GALNT1: variants seen among roughly 807,000 people sequenced by gnomAD.
The protein encoded by GALNT1 is GalNAc transferase 1.
A neutral mutation model predicts 65.7 loss-of-function variants in GALNT1; 17 were observed. The ratio of observed to expected loss-of-function variants is 0.26; its 90% CI spans 0.18 to 0.39. The LOEUF is 0.39. Ranked by LOEUF, GALNT1 falls within the 10% of genes least tolerant of loss-of-function variation. GALNT1 has a pLI of 1.00. For synonymous variants in GALNT1, 210 were observed against 219.7 expected (o/e 0.96, Z 0.39); for missense variants, 460 against 672.8 (o/e 0.68, Z 3.50).
At chr18:35,639,565 C>T (rs147464051) in intron 1 of GALNT1, among the ~76,000 whole-genome samples, 17 of 152,046 alleles carry the variant, frequency 1.1e-4, no homozygotes, top group Middle Eastern at 6.8e-3. Context: ...ATGCCTGTAG[C>T]GAAACTTCAT....
At position 35,612,009 on chromosome 18, in the gene GALNT1, T is replaced by G. The variant is rs558591935; in HGVS notation, c.-104+30147T>G. The stretch of plus-strand genomic sequence containing the variant: ...GTGTCCTCATTACCATCATTATTTA[T>G]TACCTGTATCATTAAAAAAGACATC... On this transcript the variant is annotated intron_variant, in intron 1 of 11. Transcript: ENST00000269195. Among the ~76,000 whole-genome samples the G allele has an allele frequency of 3.3e-5, 5 of 152,328 alleles. No homozygotes were observed. In the East Asian group the frequency reaches 9.6e-4, roughly 29 times the overall value.
At chr18:35,701,371 T>G (rs1292317642) in intron 9 of GALNT1, among the ~76,000 whole-genome samples, 1 of 152,230 alleles carries the variant, frequency 6.6e-6, no homozygotes, top group Admixed American at 6.5e-5. Context: ...ATTGGCCCAA[T>G]CTGAGCGAAA....
chr18:35,670,179 C>T (rs2047613438), intron 3 of GALNT1, among the ~76,000 whole-genome samples: 1 of 152,024 alleles, frequency 6.6e-6, no homozygotes, highest in Non-Finnish European at 1.5e-5. Context: ...ATAGTCCCAG[C>T]TGCTCAGGAG....
chr18:35,598,378 C>T (rs1024917277), intron 1 of GALNT1, among the ~76,000 whole-genome samples: 4 of 151,910 alleles, frequency 2.6e-5, no homozygotes, highest in Non-Finnish European at 4.4e-5. Flanking sequence ...CTCTCATCTC[C>T]CCTTCTCCTC....
chr18:35,601,284 T>C (rs991895164), intron 1 of GALNT1, among the ~76,000 whole-genome samples: 1 of 152,038 alleles, frequency 6.6e-6, no homozygotes, highest in African/African-American at 2.4e-5. Flanking sequence ...TATCATTTGT[T>C]AATGTCTTGT....
chr18:35,663,593 AAATT>A (rs2047506034), intron 2 of GALNT1, 31 bp from the exon 3 acceptor site: 5 of 1,567,028 alleles, frequency 3.2e-6, no homozygotes, highest in Non-Finnish European at 3.5e-6. Flanking sequence ...AATTGCTATG[AAATT>A]AATGTTAGTT....
chr18:35,694,669 G>A (rs79887335), intron 9 of GALNT1, among the ~76,000 whole-genome samples: 2,995 of 152,342 alleles, frequency 0.02, 105 homozygotes, highest in African/African-American at 0.067. Flanking sequence ...CCAAGAAGTA[G>A]AAGCACTCCA....
chr18:35,706,569 G>A (rs72968454), intron 11 of GALNT1, among the ~76,000 whole-genome samples: 12,437 of 152,136 alleles, frequency 0.082, 568 homozygotes, highest in African/African-American at 0.12. Flanking sequence ...CTTCTAGATC[G>A]CTTTGCAAGG....
intron 9 of GALNT1, among the ~76,000 whole-genome samples, chr18:35,698,571 A>G (rs2048100735): frequency 1.3e-5 from 2 of 152,258 alleles, no homozygotes; most frequent in African/African-American, 2.4e-5. Flanking sequence ...TGAAGTGCTC[A>G]ATAGCCACAC....
intron 3 of GALNT1, among the ~76,000 whole-genome samples, chr18:35,674,164 A>G (rs1019574009): frequency 4.6e-5 from 7 of 152,188 alleles, no homozygotes; most frequent in East Asian, 1.9e-4. Context: ...CTGGGTGAGT[A>G]AGTGAGTGCT....
chr18:35,633,275 C>A (rs1299014707), intron 1 of GALNT1, among the ~76,000 whole-genome samples: 2 of 152,100 alleles, frequency 1.3e-5, no homozygotes, highest in African/African-American at 4.8e-5. Flanking sequence ...TTCACAATAG[C>A]AAAGACCTGG....
At chr18:35,636,731 G>C (rs957349178) in intron 1 of GALNT1, among the ~76,000 whole-genome samples, 4 of 150,240 alleles carry the variant, frequency 2.7e-5, no homozygotes, top group African/African-American at 9.8e-5. Flanking sequence ...AAAAATACAG[G>C]CATGTCCATG....
At chr18:35,631,187 T>C (rs534797358) in intron 1 of GALNT1, among the ~76,000 whole-genome samples, 58 of 152,296 alleles carry the variant, frequency 3.8e-4, no homozygotes, top group Admixed American at 1.0e-3. Context: ...GAGGGAATCC[T>C]CCCTAACTCA....
Position 35,601,400 on chromosome 18 carries a change from T to C in GALNT1, c.-104+19538T>C, listed in dbSNP as rs189172689. Among the ~76,000 whole-genome samples, 56 of 152,264 alleles carry C rather than the reference T, an allele frequency of 3.7e-4. 1 individual carries two copies. The highest frequency in any genetic ancestry group is 1.2e-3 in the Admixed American group (19 of 15,300). On this transcript the variant is annotated intron_variant, in intron 1 of 11. Coordinates refer to ENST00000269195, the MANE Select transcript of GALNT1 (RefSeq NM_020474.4). ...TATTAATCTTTTCAAAAAACAACTT[T>C]TTGTTGTGTAGATCTTTTATATTTT...
intron 1 of GALNT1, among the ~76,000 whole-genome samples, chr18:35,638,383 T>G (rs2047119617): frequency 6.6e-6 from 1 of 151,996 alleles, no homozygotes; most frequent in Non-Finnish European, 1.5e-5. Context: ...GCTGCAGGCA[T>G]TTATTTATAC....
chr18:35,680,714 T>C (rs2047774699), intron 4 of GALNT1, among the ~76,000 whole-genome samples: 1 of 152,220 alleles, frequency 6.6e-6, no homozygotes, highest in Non-Finnish European at 1.5e-5. Context: ...GGTGCTATAA[T>C]TATTCCTGTT....
chr18:35,671,955 AC>A lies in GALNT1; in HGVS notation c.315-5635del, dbSNP rs2047643020. Among the ~76,000 whole-genome samples the A allele has an allele frequency of 2.6e-5, 4 of 152,326 alleles. No homozygotes were observed. The South Asian group carries it at 8.3e-4, about 32-fold the overall frequency. The stretch of plus-strand genomic sequence containing the variant: ...CTTTTGGAGCTACTTATATGCATAT[AC>A]TAGAGCTTCTCAATCTATACTCTTA... On this transcript the variant is annotated intron_variant, in intron 3 of 11. Transcript: ENST00000269195.
chr18:35,678,272 G>A (rs2047738357), intron 4 of GALNT1, among the ~76,000 whole-genome samples: 1 of 152,118 alleles, frequency 6.6e-6, no homozygotes, highest in African/African-American at 2.4e-5. Flanking sequence ...ATAGCTAGGT[G>A]CATAAAAGGA....
rs2048326227 is a variant in GALNT1, at chr18:35,709,772, A to G, written c.*2A>G. On this transcript the variant is annotated 3_prime_UTR_variant, in exon 12 of 12. Transcript: ENST00000269195. ...GTCACCCTGCCAGAAATATTCTGAGACCAAATTTACAAAAAAACGAAAAAA... is the reference window on the plus strand; with the variant it reads ...GTCACCCTGCCAGAAATATTCTGAGGCCAAATTTACAAAAAAACGAAAAAA... 1 of 1,613,766 alleles carries G rather than the reference A, an allele frequency of 6.2e-7. No individual in the cohort carries two copies. Among genetic ancestry groups the G allele is most frequent in the Admixed American group, 1.7e-5 (1 of 59,958 alleles).
Sources: gnomAD v4.1 joint callset for allele counts (sites outside exome capture counted in the v4.1 genomes callset) on GRCh38, gnomAD v4.1.1 for gene constraint, MANE v1.5 for transcripts, NCBI Gene and HGNC (gene_info 2026-07-23, HGNC 2026-07-21) for gene names.